Variants in WNK3 observed in about 807,000 individuals in gnomAD.
WNK3 encodes WNK lysine deficient protein kinase 3, also known as serine/threonine-protein kinase WNK3.
A neutral mutation model predicts 116.7 loss-of-function variants in WNK3; 18 were observed. That is an observed-to-expected ratio of 0.15 (90% CI 0.11 to 0.23). The LOEUF (loss-of-function observed/expected upper bound fraction) is 0.23, where lower values mean the gene tolerates loss of function less well. WNK3 is among the 10% of genes least tolerant of loss of function. WNK3 has a pLI of 1.00. For missense variants in WNK3, 993 were observed against 1,323.8 expected, an observed-to-expected ratio of 0.75 and a Z score of 3.88; for synonymous variants, 404 against 469.4, an observed-to-expected ratio of 0.86 and a Z score of 1.80.
At chrX:54,238,411 G>A (rs1177405576) in exon 19 of WNK3, 1 of 1,209,016 alleles carries the variant, frequency 8.3e-7, no homozygotes, top group Admixed American at 2.2e-5. Context: ...TATCAGCTGT[G>A]GACTCCCGTG....
At chrX:54,246,008 A>C (rs2068071698) in intron 17 of WNK3, among the ~76,000 whole-genome samples, 1 of 112,095 alleles carries the variant, frequency 8.9e-6, no homozygotes, top group African/African-American at 3.2e-5. Flanking sequence ...TTTTTCCATA[A>C]AATTTTGCCT....
At chrX:54,292,442 T>C (rs996022667) in intron 10 of WNK3, among the ~76,000 whole-genome samples, 4 of 111,210 alleles carry the variant, frequency 3.6e-5, no homozygotes, top group African/African-American at 1.3e-4. Context: ...CTGTGGCTCA[T>C]GTCTGTTATC....
At position 54,279,450 on chromosome X, in the gene WNK3, A is replaced by G. The variant is rs782647315; in HGVS notation, c.2037+13438T>C. Among the ~76,000 whole-genome samples, 5 of 110,961 alleles carry G rather than the reference A, an allele frequency of 4.5e-5. No individual in the cohort carries two copies. The East Asian group carries it at 1.4e-3, about 31-fold the overall frequency. ...GTGGTGGTGCATGCCTATGGTCTCA[A>G]CTACCTGGGAGGCTGAGGTGGGAGG... is the stretch of plus-strand genomic sequence containing the variant. On this transcript the variant is annotated intron_variant, in intron 10 of 23. Transcript: ENST00000354646.
In WNK3 at chrX:54,258,208, G is replaced by A. The variant is rs3021275; in HGVS notation, c.2102+1066C>T. ...CACAAGAATCACTGGAACCCAGGAG[G>A]TGGAGGTTGCAGTGAGCCGAAATCG... On this transcript the variant is annotated intron_variant, in intron 11 of 23. Coordinates refer to ENST00000354646, the Ensembl canonical transcript of WNK3. Among the ~76,000 whole-genome samples, 189 of 102,669 alleles carry A rather than the reference G, an allele frequency of 1.8e-3. 1 individual carries two copies. The highest frequency in any genetic ancestry group is 6.2e-3 in the African/African-American group (175 of 28,073). The allele number at this position is 102,669 out of a possible 115,157, so 89.2% of individuals were successfully genotyped here. A position where few individuals can be genotyped will look rare whatever the true frequency, so the allele number is the denominator to read the frequency against.
At chrX:54,338,623 A>G (rs1216183778) in intron 1 of WNK3, among the ~76,000 whole-genome samples, 5 of 109,660 alleles carry the variant, frequency 4.6e-5, no homozygotes, top group African/African-American at 1.3e-4. Flanking sequence ...AATCTTATTC[A>G]GACCCCTAAT....
intron 2 of WNK3, among the ~76,000 whole-genome samples, chrX:54,326,332 C>T (rs782634226): frequency 1.3e-3 from 148 of 111,168 alleles, no homozygotes; most frequent in Non-Finnish European, 2.2e-3. Flanking sequence ...CCTCGTGATC[C>T]GCCTGCCTCG....
rs782101641 is a variant in WNK3, at chrX:54,266,907, G to A, written c.2038-7569C>T. Reference sequence around the variant, plus strand: ...TCCCTCCCCTTTCCCCACATCCCCCGACAGGTCCCGGTGTGTGATGTTCCC... The same window carrying A: ...TCCCTCCCCTTTCCCCACATCCCCCAACAGGTCCCGGTGTGTGATGTTCCC... On this transcript the variant is annotated intron_variant, in intron 10 of 23. Coordinates refer to ENST00000354646, the Ensembl canonical transcript of WNK3. Among the ~76,000 whole-genome samples, 145 of 109,284 alleles carry A rather than the reference G, an allele frequency of 1.3e-3. 1 individual carries two copies. Among genetic ancestry groups the A allele is most frequent in the African/African-American group, 4.6e-3 (137 of 30,077 alleles). 94.9% of individuals were successfully genotyped at this position (109,284 alleles called of 115,157 possible).
intron 2 of WNK3, among the ~76,000 whole-genome samples, chrX:54,324,708 C>A (rs1444444382): frequency 8.9e-6 from 1 of 112,020 alleles, no homozygotes; most frequent in Non-Finnish European, 1.9e-5. Flanking sequence ...TTGGCGTGTG[C>A]CTATAATGTA....
At chrX:54,226,411 AG>A (rs1242854197) in intron 22 of WNK3, among the ~76,000 whole-genome samples, 23 of 99,979 alleles carry the variant, frequency 2.3e-4, no homozygotes, top group Non-Finnish European at 1.0e-4. Flanking sequence ...TGGAGGTTAC[AG>A]TGAGCTGAGA....
At chrX:54,292,125 T>C (rs948226031) in intron 10 of WNK3, among the ~76,000 whole-genome samples, 1 of 111,688 alleles carries the variant, frequency 9.0e-6, no homozygotes, top group Admixed American at 9.6e-5. Flanking sequence ...ACTTCTTATT[T>C]CTCCTACAGA....
Position 54,334,193 on chromosome X carries a change from T to C in WNK3, c.-119-401A>G, listed in dbSNP as rs184885525. Among the ~76,000 whole-genome samples the C allele has an allele frequency of 1.2e-4, 13 of 112,105 alleles. No individual in the cohort carries two copies. The East Asian group carries it at 3.6e-3, about 31-fold the overall frequency. On this transcript the variant is annotated intron_variant, in intron 1 of 23. Transcript: ENST00000354646. Reference sequence around the variant, plus strand: ...CTAAAATTCTGGAATTCATCAATAGTAGTTTCTTTTACTGTACTAAAATAT... The same window carrying C: ...CTAAAATTCTGGAATTCATCAATAGCAGTTTCTTTTACTGTACTAAAATAT...
chrX:54,202,142 C>T, exon 23 of WNK3: 1 of 1,209,688 alleles, frequency 8.3e-7, no homozygotes, highest in Non-Finnish European at 1.1e-6. Context: ...CCCTTTTTTA[C>T]TGGCTGGAGA....
chrX:54,309,817 C>T (rs781969555), intron 3 of WNK3, among the ~76,000 whole-genome samples: 30 of 111,910 alleles, frequency 2.7e-4, no homozygotes, highest in African/African-American at 8.7e-4. Context: ...CAGGCATCAG[C>T]CACCACACTT....
intron 10 of WNK3, among the ~76,000 whole-genome samples, chrX:54,291,162 A>T (rs1214549527): frequency 1.8e-5 from 2 of 109,972 alleles, no homozygotes; most frequent in Non-Finnish European, 3.8e-5. Flanking sequence ...AAATACAAAA[A>T]ATTAGCCGGG....
chrX:54,227,004 A>G lies in WNK3; in HGVS notation c.4870+1710T>C, dbSNP rs141595566. 8.3e-3 allele frequency among the ~76,000 whole-genome samples: 931 copies of G among 111,974 alleles called. 9 individuals carry two copies. Among genetic ancestry groups the G allele is most frequent in the African/African-American group, 0.028 (880 of 30,888 alleles). Reference sequence around the variant, plus strand: ...TAGATATGACAGTAAAAGCACAAGTAACAAAAGAAAAGAAACAGATTAGAT... The same window carrying G: ...TAGATATGACAGTAAAAGCACAAGTGACAAAAGAAAAGAAACAGATTAGAT... On this transcript the variant is annotated intron_variant, in intron 22 of 23. Transcript: ENST00000354646.
intron 1 of WNK3, among the ~76,000 whole-genome samples, chrX:54,352,862 G>A (rs1361958601): frequency 4.5e-5 from 5 of 111,212 alleles, no homozygotes; most frequent in African/African-American, 9.8e-5. Context: ...AACAAAATAC[G>A]GTATATCCAT....
chrX:54,195,477 A>G (rs1287055131), exon 24 of WNK3: 3 of 111,812 alleles, frequency 2.7e-5, no homozygotes, highest in Non-Finnish European at 5.6e-5. Flanking sequence ...GCACTATTAT[A>G]TGATTTAGCA....
At chrX:54,292,144 T>G (rs1371942297) in intron 10 of WNK3, among the ~76,000 whole-genome samples, 1 of 111,925 alleles carries the variant, frequency 8.9e-6, no homozygotes, top group African/African-American at 3.2e-5. Context: ...GAAATAAACA[T>G]GAACCAAAAC....
intron 10 of WNK3, among the ~76,000 whole-genome samples, chrX:54,286,870 G>A (rs1390154475): frequency 4.8e-5 from 5 of 104,458 alleles, no homozygotes; most frequent in South Asian, 4.4e-4. Context: ...CCGAGATGGC[G>A]CCACTGCACT....
Sources: gnomAD v4.1 joint callset for allele counts (sites outside exome capture counted in the v4.1 genomes callset) on GRCh38, gnomAD v4.1.1 for gene constraint, MANE v1.5 for transcripts, NCBI Gene and HGNC (gene_info 2026-07-23, HGNC 2026-07-21) for gene names.